Variants in KCNN2 observed in about 807,000 individuals in gnomAD.
The protein encoded by KCNN2 is potassium calcium-activated channel subfamily N member 2, also known as small conductance calcium-activated potassium channel protein 2.
A neutral mutation model predicts 55.5 loss-of-function variants in KCNN2; 24 were observed. The observed-to-expected ratio is 0.43, with a 90% confidence interval of 0.31 to 0.61. KCNN2 has a LOEUF of 0.61. KCNN2 is among the 20% of genes least tolerant of loss of function. KCNN2 has a pLI of 0.08. For synonymous variants in KCNN2, 431 were observed against 336.1 expected, an observed-to-expected ratio of 1.28 and a Z score of -3.09; for missense variants, 754 against 853.6, an observed-to-expected ratio of 0.88 and a Z score of 1.45.
At chr5:114,227,301 C>G (rs537971033) in intron 2 of KCNN2, among the ~76,000 whole-genome samples, 1 of 152,274 alleles carries the variant, frequency 6.6e-6, no homozygotes, top group East Asian at 1.9e-4. Flanking sequence ...GTTCTCGCTA[C>G]TAAAAATATA....
chr5:114,103,936 T>A (rs913947488), intron 1 of KCNN2, among the ~76,000 whole-genome samples: 2 of 152,160 alleles, frequency 1.3e-5, no homozygotes, highest in Admixed American at 6.5e-5. Context: ...GATGCTGGCC[T>A]CATAAAAAGA....
chr5:114,400,036 GTCTA>G lies in KCNN2; in HGVS notation c.1219-4396_1219-4393del, dbSNP rs943884134. ...ATTTTCTTTATTAGTCTAGCTAGTG[GTCTA>G]TCTATTTATTCTTGCAAATAGCCAA... On this transcript the variant is annotated intron_variant, in intron 2 of 7. Coordinates refer to ENST00000673685, the MANE Select transcript of KCNN2 (RefSeq NM_021614.4). Among the ~76,000 whole-genome samples the G allele has an allele frequency of 5.3e-5, 8 of 151,270 alleles. No homozygotes were observed. In the East Asian group the frequency reaches 9.8e-4, roughly 18 times the overall value.
intron 1 of KCNN2, among the ~76,000 whole-genome samples, chr5:114,150,281 T>C (rs559183577): frequency 6.6e-6 from 1 of 152,302 alleles, no homozygotes; most frequent in African/African-American, 2.4e-5. Flanking sequence ...AACAACATGG[T>C]ACTGGTACCA....
rs187318497 is a variant in KCNN2 at position 114,086,805 on chromosome 5, G to A, written c.-271+30305G>A. On this transcript the variant is annotated intron_variant, in intron 1 of 10. Transcript: ENST00000512097. ...TCTTTTGGATATATACCCAGTAATG[G>A]GATTGCTGGGACAAATGGTAGTTCA... is the stretch of plus-strand genomic sequence containing the variant. 4.6e-3 allele frequency among the ~76,000 whole-genome samples: 706 copies of A among 152,162 alleles called. 3 individuals carry two copies. The highest frequency in any genetic ancestry group is 0.022 in the South Asian group (107 of 4,812).
At chr5:114,253,418 G>A (rs2150001017) in intron 2 of KCNN2, 1 of 152,180 alleles carries the variant, frequency 6.6e-6, no homozygotes, top group Admixed American at 6.5e-5. Flanking sequence ...GATTTTGTCT[G>A]GACTCACGTA....
intron 1 of KCNN2, among the ~76,000 whole-genome samples, chr5:114,196,771 TG>T (rs1284552811): frequency 2.0e-5 from 3 of 152,112 alleles, no homozygotes; most frequent in African/African-American, 7.2e-5. Context: ...TCCAGTTTGT[TG>T]ATCTTTTCAA....
Position 114,362,685 on chromosome 5 carries a change from C to G in KCNN2, c.546C>G (p.Leu182=). ...GCAGTCTGGGCTCCGGGCCCCCGCT[C>G]TCGCACCACCACCACCACCCGCACC... is the stretch of plus-strand genomic sequence containing the variant. ...SLGSLGSGPP[L]SHHHHHPHPA... The change falls in exon 1 of 8, where the codon CTC becomes CTG. Residue 182 remains leucine, a synonymous_variant. Coordinates refer to ENST00000673685, the MANE Select transcript of KCNN2 (RefSeq NM_021614.4). The G allele has an allele frequency of 1.4e-6, 2 of 1,454,348 alleles. No homozygotes were observed. The highest frequency in any genetic ancestry group is 2.9e-5 in the South Asian group (2 of 69,668). The allele number at this position is 1,454,348 out of a possible 1,614,324, so 90.1% of individuals were successfully genotyped here.
At chr5:114,069,145 A>C (rs1475277304) in intron 1 of KCNN2, among the ~76,000 whole-genome samples, 3 of 152,106 alleles carry the variant, frequency 2.0e-5, no homozygotes, top group Non-Finnish European at 2.9e-5. Context: ...CCAACTATAG[A>C]TGATGCCAAG....
At chr5:114,305,084 T>C (rs887151596) in intron 2 of KCNN2, among the ~76,000 whole-genome samples, 2 of 152,178 alleles carry the variant, frequency 1.3e-5, no homozygotes. Flanking sequence ...AATTCTTAAC[T>C]ATAATAGGAG....
chr5:114,180,356 C>T (rs968968435), intron 1 of KCNN2, among the ~76,000 whole-genome samples: 17 of 152,080 alleles, frequency 1.1e-4, no homozygotes, highest in African/African-American at 3.6e-4. Flanking sequence ...TTACAGTTAG[C>T]AATACATTTC....
chr5:114,272,421 A>ATG (rs1554078510), intron 2 of KCNN2, among the ~76,000 whole-genome samples: 1 of 10,838 alleles, frequency 9.2e-5, no homozygotes, highest in African/African-American at 1.3e-4. Context: ...ATCTACACAC[A>ATG]TATGTACGTA....
At chr5:114,225,406 C>T (rs372207487) in intron 2 of KCNN2, among the ~76,000 whole-genome samples, 1 of 152,002 alleles carries the variant, frequency 6.6e-6, no homozygotes, top group East Asian at 1.9e-4. Flanking sequence ...ATTCTAAGCA[C>T]ATAGAACAGA....
intron 1 of KCNN2, among the ~76,000 whole-genome samples, chr5:114,168,121 A>G (rs1380449815): frequency 6.6e-6 from 1 of 151,488 alleles, no homozygotes; most frequent in Non-Finnish European, 1.5e-5. Flanking sequence ...AAATATATGT[A>G]GCATTATATA....
At chr5:114,096,963 A>G (rs1475474619) in intron 1 of KCNN2, among the ~76,000 whole-genome samples, 1 of 151,920 alleles carries the variant, frequency 6.6e-6, no homozygotes, top group Non-Finnish European at 1.5e-5. Flanking sequence ...TAGATGAGAC[A>G]CTGAGACTCA....
At chr5:114,337,863 C>T (rs1206462202) in intron 2 of KCNN2, among the ~76,000 whole-genome samples, 2 of 152,124 alleles carry the variant, frequency 1.3e-5, no homozygotes, top group African/African-American at 2.4e-5. Flanking sequence ...AAGTTTTTAA[C>T]GTTTTTGCCT....
intron 1 of KCNN2, among the ~76,000 whole-genome samples, chr5:114,065,589 A>G (rs2112516931): frequency 6.6e-6 from 1 of 152,344 alleles, no homozygotes; most frequent in Middle Eastern, 3.4e-3. Flanking sequence ...TAAATGCAAT[A>G]TTAGTCTTGA....
At chr5:114,079,662 T>C (rs1750761252) in intron 1 of KCNN2, among the ~76,000 whole-genome samples, 1 of 152,144 alleles carries the variant, frequency 6.6e-6, no homozygotes, top group South Asian at 2.1e-4. Context: ...AAATGTCAGA[T>C]TTGATTCTGC....
At chr5:114,060,153 A>G (rs1024026832) in intron 1 of KCNN2, among the ~76,000 whole-genome samples, 7 of 152,214 alleles carry the variant, frequency 4.6e-5, no homozygotes, top group African/African-American at 1.7e-4. Context: ...TGCTATGAGT[A>G]TGCAGCACTT....
At chr5:114,327,204 G>A (rs1756731072) in intron 2 of KCNN2, among the ~76,000 whole-genome samples, 1 of 152,200 alleles carries the variant, frequency 6.6e-6, no homozygotes, top group African/African-American at 2.4e-5. Flanking sequence ...AAGACAAATT[G>A]TGAACAGTCA....
Sources: gnomAD v4.1 joint callset for allele counts (sites outside exome capture counted in the v4.1 genomes callset) on GRCh38, gnomAD v4.1.1 for gene constraint, MANE v1.5 for transcripts, NCBI Gene and HGNC (gene_info 2026-07-23, HGNC 2026-07-21) for gene names.